Variants in BMP7 observed in about 807,000 individuals in gnomAD.
The protein encoded by BMP7 is bone morphogenetic protein 7, also known as osteogenic protein 1.
A neutral mutation model predicts 41.2 loss-of-function variants in BMP7; 12 were observed. The ratio of observed to expected loss-of-function variants is 0.29; its 90% CI spans 0.19 to 0.47. The LOEUF is 0.47. Among genes scored for constraint, BMP7 ranks in the 20% least tolerant of loss-of-function variants. The pLI is 0.99. For synonymous variants in BMP7, 248 were observed against 250.0 expected, an observed-to-expected ratio of 0.99 and a Z score of 0.07; for missense variants, 467 against 606.0, an observed-to-expected ratio of 0.77 and a Z score of 2.41.
intron 1 of BMP7, among the ~76,000 whole-genome samples, chr20:57,249,602 T>C (rs73915073): frequency 0.021 from 3,134 of 152,214 alleles, 88 homozygotes; most frequent in African/African-American, 0.066. Flanking sequence ...ATAAGATACA[T>C]ATAATGTTTG....
chr20:57,232,625 A>G (rs1371397722), intron 1 of BMP7, among the ~76,000 whole-genome samples: 1 of 152,178 alleles, frequency 6.6e-6, no homozygotes, highest in Non-Finnish European at 1.5e-5. Flanking sequence ...TCAGAGTTAC[A>G]AGGTTCTTTT....
intron 2 of BMP7, among the ~76,000 whole-genome samples, chr20:57,210,877 T>C (rs536000175): frequency 2.0e-5 from 3 of 152,140 alleles, no homozygotes; most frequent in Non-Finnish European, 2.9e-5. Flanking sequence ...GATGAGAGAG[T>C]TTTTGTCTTG....
chr20:57,198,078 T>C (rs1253914470), intron 3 of BMP7, among the ~76,000 whole-genome samples: 3 of 148,944 alleles, frequency 2.0e-5, no homozygotes, highest in Non-Finnish European at 4.5e-5. Context: ...CCTCCTCTCC[T>C]CTCGCTCTCC....
At chr20:57,221,300 A>C (rs1189162528) in intron 2 of BMP7, among the ~76,000 whole-genome samples, 1 of 152,194 alleles carries the variant, frequency 6.6e-6, no homozygotes, top group Non-Finnish European at 1.5e-5. Context: ...CACTACTGGG[A>C]CAGGCTGGGC....
In BMP7 at chr20:57,238,178, G is replaced by T. The variant is rs6099508; in HGVS notation, c.419-9757C>A. Reference sequence around the variant, plus strand: ...ACTTTCTGTCTCTATGAATCTGACTGCTTTGGGCAACACCTATAAATGGAA... The same window carrying T: ...ACTTTCTGTCTCTATGAATCTGACTTCTTTGGGCAACACCTATAAATGGAA... On this transcript the variant is annotated intron_variant, in intron 1 of 6. Transcript: ENST00000395863. Among the ~76,000 whole-genome samples, 580 of 152,206 alleles carry T rather than the reference G, an allele frequency of 3.8e-3. 6 individuals carry two copies. The highest frequency in any genetic ancestry group is 0.014 in the African/African-American group (562 of 41,520).
chr20:57,218,454 GTTTC>G (rs35312387), intron 2 of BMP7, among the ~76,000 whole-genome samples: 41 of 37,252 alleles, frequency 1.1e-3, no homozygotes, highest in Middle Eastern at 0.013. Flanking sequence ...GGTAGCTGGT[GTTTC>G]TTTGGTGGTA....
chr20:57,212,165 A>G (rs1357853849), intron 2 of BMP7, among the ~76,000 whole-genome samples: 8 of 152,200 alleles, frequency 5.3e-5, no homozygotes, highest in Admixed American at 5.2e-4. Flanking sequence ...GACAAAAGAA[A>G]AGGACTAGAT....
intron 3 of BMP7, among the ~76,000 whole-genome samples, chr20:57,200,816 C>T (rs1984601843): frequency 6.6e-6 from 1 of 152,072 alleles, no homozygotes; most frequent in Admixed American, 6.6e-5. Flanking sequence ...TACAAATAGA[C>T]AATGCCACTT....
At chr20:57,189,016 T>C (rs1984287736) in intron 3 of BMP7, among the ~76,000 whole-genome samples, 1 of 152,176 alleles carries the variant, frequency 6.6e-6, no homozygotes, top group Admixed American at 6.5e-5. Flanking sequence ...AGTTCTCAAC[T>C]AGGGTCAAAG....
Position 57,214,566 on chromosome 20 carries a change from T to G in BMP7, c.612-11943A>C, listed in dbSNP as rs1214672973. ...ACCCAGCCCTCCTCATCTGTGCCAG[T>G]CTCCAGCCCACCACAGCCCCTCACA... On this transcript the variant is annotated intron_variant, in intron 2 of 6. Transcript: ENST00000395863. The surrounding 1 kb of genome is among the most constrained non-coding windows in gnomAD (Gnocchi z 4.0). Among the ~76,000 whole-genome samples the G allele has an allele frequency of 6.6e-6, 1 of 151,798 alleles. No homozygotes were observed. Among genetic ancestry groups the G allele is most frequent in the Non-Finnish European group, 1.5e-5 (1 of 67,914 alleles).
intron 1 of BMP7, among the ~76,000 whole-genome samples, chr20:57,243,151 G>A (rs2066076479): frequency 6.6e-6 from 1 of 152,190 alleles, no homozygotes; most frequent in Non-Finnish European, 1.5e-5. Flanking sequence ...CACTGCAAAT[G>A]AGGGTCCCCG....
Position 57,215,386 on chromosome 20 carries a change from G to A in BMP7, c.612-12763C>T, listed in dbSNP as rs932075239. On this transcript the variant is annotated intron_variant, in intron 2 of 6. Transcript: ENST00000395863. This position sits in a 1 kb window ranked among gnomAD's most constrained non-coding sequence, Gnocchi z 4.2. ...CAGGTGGGCAGAAAGCAACAGCTGG[G>A]AAGAAAGCACATCTCACATTTCCTT... is the stretch of plus-strand genomic sequence containing the variant. 3.9e-5 allele frequency: 6 copies of A among 152,282 alleles called. No homozygotes were observed. Among genetic ancestry groups the A allele is most frequent in the African/African-American group, 1.4e-4 (6 of 41,462 alleles). The allele number at this position is 152,282 out of a possible 1,614,324, so 9.4% of individuals were successfully genotyped here.
chr20:57,258,881 A>T (rs1349817098), intron 1 of BMP7, among the ~76,000 whole-genome samples: 1 of 152,228 alleles, frequency 6.6e-6, no homozygotes, highest in Non-Finnish European at 1.5e-5. Context: ...GTAAATCTTC[A>T]TCTGGCCAAC....
chr20:57,265,232 C>G (rs2066171313), intron 1 of BMP7, among the ~76,000 whole-genome samples: 1 of 152,172 alleles, frequency 6.6e-6, no homozygotes, highest in Non-Finnish European at 1.5e-5. Context: ...CACGAGGGGA[C>G]AGGTAGGGCT....
Position 57,183,774 on chromosome 20 carries a change from G to A in BMP7, c.906C>T (p.Asn302=). Residue 302 remains asparagine (N), a synonymous_variant, in exon 4 of 7, where the codon AAC becomes AAT. Coordinates refer to ENST00000395863, the MANE Select transcript of BMP7 (RefSeq NM_001719.3). ...RSTGSKQRSQ[N]RSKTPKNQEA... ...CCTGGTTCTTGGGCGTCTTGGAGCG[G>A]TTCTGGCTGCGCTGTTTGCTCCCCG... is the stretch of plus-strand genomic sequence containing the variant. The A allele has an allele frequency of 3.7e-6, 6 of 1,614,212 alleles. No homozygotes were observed. The highest frequency in any genetic ancestry group is 4.2e-6 in the Non-Finnish European group (5 of 1,180,038).
At chr20:57,246,906 T>C (rs1263111634) in intron 1 of BMP7, among the ~76,000 whole-genome samples, 1 of 152,090 alleles carries the variant, frequency 6.6e-6, no homozygotes, top group African/African-American at 2.4e-5. Flanking sequence ...GGAGAATCAC[T>C]TGAACCCAGA....
At chr20:57,218,122 G>A (rs756308736) in intron 2 of BMP7, among the ~76,000 whole-genome samples, 4 of 152,390 alleles carry the variant, frequency 2.6e-5, no homozygotes, top group East Asian at 1.9e-4. Context: ...GAAGTACGCC[G>A]AGCTTGGTTT....
At position 57,224,028 on chromosome 20, in the gene BMP7, T is replaced by C. The variant is rs1357447572; in HGVS notation, c.611+4201A>G. ...TTTATGGACCAAAATCATCACGGCG[T>C]CCCCAGGGAGCTTCTCAGAAAGGCA... On this transcript the variant is annotated intron_variant, in intron 2 of 6. Coordinates refer to ENST00000395863, the MANE Select transcript of BMP7 (RefSeq NM_001719.3). This position sits in a 1 kb window ranked among gnomAD's most constrained non-coding sequence, Gnocchi z 4.8. Among the ~76,000 whole-genome samples, 3 of 151,998 alleles carry C rather than the reference T, an allele frequency of 2.0e-5. No individual in the cohort carries two copies. The highest frequency in any genetic ancestry group is 4.4e-5 in the Non-Finnish European group (3 of 67,994).
chr20:57,260,165 G>A (rs1304442109), intron 1 of BMP7, among the ~76,000 whole-genome samples: 1 of 152,182 alleles, frequency 6.6e-6, no homozygotes, highest in Non-Finnish European at 1.5e-5. Flanking sequence ...TGCATGCTGT[G>A]AGAACAGGCT....
Sources: allele counts gnomAD v4.1 joint callset (sites outside exome capture counted in the v4.1 genomes callset), GRCh38; gene constraint gnomAD v4.1.1; non-coding constraint Gnocchi (gnomAD v3.1); transcripts MANE v1.5; gene names NCBI Gene and HGNC (gene_info 2026-07-23, HGNC 2026-07-21).